Variants in DENND2B observed in about 807,000 individuals in gnomAD.
DENND2B encodes the protein DENN domain containing 2B.
DENND2B carries 32 observed loss-of-function variants against 116.0 expected under a neutral mutation model. That is an observed-to-expected ratio of 0.28 (90% CI 0.21 to 0.37). DENND2B has a LOEUF of 0.37. Ranked by LOEUF, DENND2B falls within the 10% of genes least tolerant of loss-of-function variation. DENND2B has a pLI of 1.00. For missense variants in DENND2B, 1,276 were observed against 1,477.7 expected (o/e 0.86, Z 2.24); for synonymous variants, 588 against 583.9 (o/e 1.01, Z -0.10).
chr11:8,891,968 G>A (rs1000949203), intron 1 of DENND2B, among the ~76,000 whole-genome samples: 95 of 152,136 alleles, frequency 6.2e-4, no homozygotes, highest in Non-Finnish European at 1.0e-3. Flanking sequence ...GCACTTATTC[G>A]AAAATTGACC....
At chr11:8,710,795 C>G (rs1365593696) in intron 11 of DENND2B, 50 bp downstream of exon 11, 7 of 1,164,434 alleles carry the variant, frequency 6.0e-6, no homozygotes, top group Non-Finnish European at 8.7e-6. Context: ...ACACACACAC[C>G]CTGGCCTATC....
rs11822131 is a variant in DENND2B at position 8,772,444 on chromosome 11, G to T, written c.-25-21719C>A. Among the ~76,000 whole-genome samples the T allele has an allele frequency of 2.5e-3, 388 of 152,202 alleles. 3 individuals are homozygous for T. Among genetic ancestry groups the T allele is most frequent in the African/African-American group, 8.9e-3 (370 of 41,512 alleles). On this transcript the variant is annotated intron_variant, in intron 1 of 19. Transcript: ENST00000313726. ...CACTTAATCTATGGAGATTATGCTAGCTCCAGGTAGTGTCAAAATTGAATT... is the reference window on the plus strand; with the variant it reads ...CACTTAATCTATGGAGATTATGCTATCTCCAGGTAGTGTCAAAATTGAATT...
intron 1 of DENND2B, among the ~76,000 whole-genome samples, chr11:8,806,310 G>A (rs180871170): frequency 6.6e-6 from 1 of 152,302 alleles, no homozygotes; most frequent in East Asian, 1.9e-4. Context: ...TCACACAGAG[G>A]AAGAGTCTGG....
chr11:8,884,009 C>T (rs2063930997), intron 1 of DENND2B, among the ~76,000 whole-genome samples: 1 of 152,180 alleles, frequency 6.6e-6, no homozygotes, highest in South Asian at 2.1e-4. Context: ...TTGGCTAGGT[C>T]AGTAATTTCT....
At chr11:8,776,229 C>A (rs1157383979) in intron 1 of DENND2B, 2 of 455,922 alleles carry the variant, frequency 4.4e-6, no homozygotes, top group Admixed American at 4.7e-5. Context: ...CCAAACATGT[C>A]CACGTGTCCA....
chr11:8,807,280 C>T (rs2060950603), intron 1 of DENND2B, among the ~76,000 whole-genome samples: 1 of 152,228 alleles, frequency 6.6e-6, no homozygotes, highest in Non-Finnish European at 1.5e-5. Flanking sequence ...TCCCAACTGC[C>T]CCACAGGGAG....
At chr11:8,767,793 T>A (rs1015488639) in intron 1 of DENND2B, among the ~76,000 whole-genome samples, 3 of 152,154 alleles carry the variant, frequency 2.0e-5, no homozygotes, top group Non-Finnish European at 4.4e-5. Context: ...CTAAGGTCGC[T>A]TTCAATACTG....
chr11:8,712,608 G>A lies in DENND2B; in HGVS notation c.2115C>T (p.Leu705=). Residue 705 remains leucine, a synonymous_variant, in exon 9 of 20, where the codon CTC becomes CTT. Coordinates refer to ENST00000313726, the MANE Select transcript of DENND2B (RefSeq NM_213618.2). This position sits in a 1 kb window ranked among gnomAD's most constrained non-coding sequence, Gnocchi z 4.4. ...ELFEYFVVVS[L]KKKPSRNTYL... ...AGGTGTTTCGCGATGGCTTCTTCTT[G>A]AGGGACACCACCACAAAGTACTCAA... 1 of 1,562,850 alleles carries A rather than the reference G, an allele frequency of 6.4e-7. No homozygotes were observed. Among genetic ancestry groups the A allele is most frequent in the Non-Finnish European group, 8.7e-7 (1 of 1,152,830 alleles).
chr11:8,756,343 A>T lies in DENND2B; in HGVS notation c.-25-5618T>A, dbSNP rs1049816935. Among the ~76,000 whole-genome samples the T allele has an allele frequency of 2.0e-5, 3 of 152,196 alleles. No homozygotes were observed. In the East Asian group the frequency reaches 5.8e-4, roughly 29 times the overall value. On this transcript the variant is annotated intron_variant, in intron 1 of 19. Coordinates refer to ENST00000313726, the MANE Select transcript of DENND2B (RefSeq NM_213618.2). ...TTACTAAGAAAGAGAAATGTAGTTG[A>T]CTCTGACATCTGGGTGGCTAAGAAG... is the stretch of plus-strand genomic sequence containing the variant.
At chr11:8,716,564 C>T (rs1310196017) in intron 5 of DENND2B, among the ~76,000 whole-genome samples, 1 of 152,212 alleles carries the variant, frequency 6.6e-6, no homozygotes, top group Non-Finnish European at 1.5e-5. Context: ...CTCCACAGCC[C>T]CCAATTTCCT....
chr11:8,710,753 G>GCGCACA (rs1336053201), intron 11 of DENND2B, 92 bp downstream of exon 11: 41 of 831,612 alleles, frequency 4.9e-5, no homozygotes, highest in Middle Eastern at 2.7e-4. Flanking sequence ...TTGCAGAAGG[G>GCGCACA]CACACACACA....
At chr11:8,774,990 C>T (rs888743139) in intron 1 of DENND2B, among the ~76,000 whole-genome samples, 55 of 151,874 alleles carry the variant, frequency 3.6e-4, no homozygotes, top group African/African-American at 1.3e-3. Context: ...ATGAGATTCT[C>T]CCACCTCAGC....
upstream of DENND2B, among the ~76,000 whole-genome samples, chr11:8,814,286 A>C (rs34490363): frequency 7.3e-6 from 1 of 137,030 alleles, no homozygotes; most frequent in African/African-American, 2.7e-5. Context: ...TTTTTTTTTT[A>C]ACACCAGATC....
chr11:8,761,605 C>T (rs2054641245), intron 1 of DENND2B, among the ~76,000 whole-genome samples: 1 of 152,144 alleles, frequency 6.6e-6, no homozygotes, highest in Admixed American at 6.5e-5. Context: ...GTGTCCCTTG[C>T]CCCCCATTCT....
At chr11:8,802,871 A>C (rs4929915) in intron 1 of DENND2B, among the ~76,000 whole-genome samples, 34,826 of 152,152 alleles carry the variant, frequency 0.23, 4,274 homozygotes, top group Middle Eastern at 0.35. Flanking sequence ...GTACTGCCCT[A>C]CGCATTGGAG....
At chr11:8,774,180 AC>A in intron 1 of DENND2B, 1 of 985,478 alleles carries the variant, frequency 1.0e-6, no homozygotes, top group Non-Finnish European at 1.2e-6. Context: ...GTCAGCCTTC[AC>A]GTTGGGTTCT....
intron 2 of DENND2B, among the ~76,000 whole-genome samples, chr11:8,879,465 C>A (rs2063879220): frequency 6.6e-6 from 1 of 151,996 alleles, no homozygotes; most frequent in African/African-American, 2.4e-5. Context: ...GATATGAAGG[C>A]AATATGAAGG....
At chr11:8,825,654 A>T (rs1220363270) in intron 4 of DENND2B, among the ~76,000 whole-genome samples, 5 of 152,082 alleles carry the variant, frequency 3.3e-5, no homozygotes, top group Non-Finnish European at 7.4e-5. Flanking sequence ...TACTAGATAT[A>T]ATCAGAGAGA....
chr11:8,834,654 A>G (rs2134594085), intron 4 of DENND2B, among the ~76,000 whole-genome samples: 1 of 152,320 alleles, frequency 6.6e-6, no homozygotes, highest in Middle Eastern at 3.4e-3. Flanking sequence ...AGCCCTTGGA[A>G]GCACTTTTCT....
Sources: gnomAD v4.1 joint callset for allele counts (sites outside exome capture counted in the v4.1 genomes callset) on GRCh38, gnomAD v4.1.1 for gene constraint, Gnocchi (gnomAD v3.1) non-coding constraint, MANE v1.5 for transcripts, NCBI Gene and HGNC (gene_info 2026-07-23, HGNC 2026-07-21) for gene names.